The following ABCA4 variants were observed in gnomAD, a reference collection of about 807,000 sequenced individuals.
The protein encoded by ABCA4 is retinal-specific phospholipid-transporting ATPase ABCA4.
A neutral mutation model predicts 263.7 loss-of-function variants in ABCA4; 196 were observed. That is an observed-to-expected ratio of 0.74 (90% CI 0.66 to 0.84). The LOEUF is 0.84. Among genes scored for constraint, ABCA4 ranks in the 40% least tolerant of loss-of-function variants. ABCA4 has a pLI of 0.00. For missense variants in ABCA4, 2,792 were observed against 2,855.1 expected, an observed-to-expected ratio of 0.98 and a Z score of 0.50; for synonymous variants, 1,133 against 1,094.2, an observed-to-expected ratio of 1.04 and a Z score of -0.70.
In ABCA4 at chr1:94,029,480, A is replaced by T. The variant is rs1365368443; in HGVS notation, c.4504T>A (p.Cys1502Ser). The T allele has an allele frequency of 6.3e-7, 1 of 1,579,744 alleles. No individual in the cohort carries two copies. The highest frequency in any genetic ancestry group is 1.3e-5 in the African/African-American group (1 of 74,490). The change falls in exon 30 of 50, where the codon TGC (cysteine) becomes AGC (serine). Residue 1502 changes from cysteine to serine, a missense_variant. By Grantham distance (112) the Cys-to-Ser change is moderately radical (BLOSUM62 -1). Transcript: ENST00000370225. ...GGGAGGCCCCCGGCACCCTCGGGGC[A>T]CTCTGGCAGCATGGTGAGCTTCTCC... ...TREKLTMLPECPEGAGGLPPP... is the reference protein window; with the variant it reads ...TREKLTMLPESPEGAGGLPPP...
chr1:94,095,306 G>C (rs1662094173), intron 6 of ABCA4, among the ~76,000 whole-genome samples: 1 of 151,434 alleles, frequency 6.6e-6, no homozygotes, highest in African/African-American at 2.4e-5. Flanking sequence ...GATTCTCTGG[G>C]CTCCACAGGT....
At chr1:94,099,376 C>T (rs1662227645) in intron 5 of ABCA4, among the ~76,000 whole-genome samples, 1 of 152,224 alleles carries the variant, frequency 6.6e-6, no homozygotes, top group Non-Finnish European at 1.5e-5. Context: ...GTAAGGAATG[C>T]AGTCCTGCTG....
At chr1:94,060,187 A>AT (rs529886923) in intron 14 of ABCA4, among the ~76,000 whole-genome samples, 153 of 152,282 alleles carry the variant, frequency 1.0e-3, no homozygotes, top group African/African-American at 3.5e-3. Flanking sequence ...CCCTGAACTG[A>AT]TTTTTTCTGT....
At chr1:94,059,895 T>C (rs1407034589) in intron 14 of ABCA4, among the ~76,000 whole-genome samples, 1 of 151,950 alleles carries the variant, frequency 6.6e-6, no homozygotes, top group African/African-American at 2.4e-5. Flanking sequence ...CTCAGAGGAG[T>C]TGCAAGTTTG....
chr1:94,113,907 C>T (rs1346347670), intron 1 of ABCA4, among the ~76,000 whole-genome samples: 2 of 152,188 alleles, frequency 1.3e-5, no homozygotes, highest in Non-Finnish European at 2.9e-5. Context: ...CAGTCCACAC[C>T]CTGTGGCATT....
At chr1:94,069,513 C>T (rs1661353398) in intron 11 of ABCA4, among the ~76,000 whole-genome samples, 2 of 152,154 alleles carry the variant, frequency 1.3e-5, no homozygotes, top group South Asian at 4.1e-4. Context: ...TCTGTAACTC[C>T]TAAACTCAGG....
chr1:94,090,615 G>C (rs954063015), intron 6 of ABCA4, among the ~76,000 whole-genome samples: 1 of 152,078 alleles, frequency 6.6e-6, no homozygotes, highest in African/African-American at 2.4e-5. Context: ...GCCCCTCCTA[G>C]CTATTCCTGT....
At chr1:94,103,424 T>C (rs1662340576) in intron 4 of ABCA4, among the ~76,000 whole-genome samples, 2 of 152,216 alleles carry the variant, frequency 1.3e-5, no homozygotes, top group South Asian at 2.1e-4. Flanking sequence ...AGGACAGTGC[T>C]TCTCATTGAG....
At chr1:94,032,755 A>G (rs1660239932) in intron 26 of ABCA4, among the ~76,000 whole-genome samples, 5 of 152,222 alleles carry the variant, frequency 3.3e-5, no homozygotes, top group Admixed American at 1.3e-4. Context: ...AGAAAAACTG[A>G]CATCTTATGT....
intron 6 of ABCA4, among the ~76,000 whole-genome samples, chr1:94,097,746 T>C (rs914563030): frequency 1.3e-5 from 2 of 152,082 alleles, no homozygotes; most frequent in African/African-American, 4.8e-5. Context: ...TTTTTTGGTT[T>C]GTTTGTTTGT....
Position 94,047,041 on chromosome 1 carries a change from C to T in ABCA4, c.2796G>A (p.Lys932=), listed in dbSNP as rs775951957. The change falls in exon 19 of 50, where the codon AAG becomes AAA. Residue 932 remains lysine, a synonymous_variant. Transcript: ENST00000370225. ...HPGWVPGVCV[K]NLVKIFEPCG... ...AGGGCTCAAAAATCTTTACCAGATT[C>T]TTCACGCATACCCCAGGAACCCACC... 1 of 1,614,168 alleles carries T rather than the reference C, an allele frequency of 6.2e-7. No homozygotes were observed. The highest frequency in any genetic ancestry group is 8.5e-7 in the Non-Finnish European group (1 of 1,180,036).
At chr1:94,031,268 T>A (rs1432293339) in intron 27 of ABCA4, 148 bp from the exon 28 acceptor site, 3 of 1,106,754 alleles carry the variant, frequency 2.7e-6, no homozygotes, top group Non-Finnish European at 4.0e-6. Context: ...TGGGGGAACA[T>A]AATAAGCAGG....
chr1:94,083,256 G>A, intron 7 of ABCA4, 96 bp downstream of exon 7: 1 of 1,116,406 alleles, frequency 9.0e-7, no homozygotes, highest in Non-Finnish European at 1.4e-6. Context: ...ACTTTTCCTT[G>A]AACAGGTTTG....
intron 48 of ABCA4, among the ~76,000 whole-genome samples, chr1:93,997,076 T>C (rs915621835): frequency 6.6e-6 from 1 of 152,220 alleles, no homozygotes; most frequent in Admixed American, 6.5e-5. Flanking sequence ...GTGGTAACGG[T>C]TGCACAACAA....
intron 35 of ABCA4, among the ~76,000 whole-genome samples, chr1:94,020,399 G>A (rs1004294137): frequency 6.6e-6 from 1 of 152,194 alleles, no homozygotes; most frequent in East Asian, 1.9e-4. Flanking sequence ...GCAGAAAAGA[G>A]CATTTTTACT....
intron 30 of ABCA4, among the ~76,000 whole-genome samples, chr1:94,025,910 A>G (rs1660029460): frequency 6.6e-6 from 1 of 152,216 alleles, no homozygotes; most frequent in Non-Finnish European, 1.5e-5. Context: ...TGGCATACAG[A>G]TGACACAGTT....
Position 94,019,679 on chromosome 1 carries a change from T to A in ABCA4, c.5099A>T (p.Tyr1700Phe). ...TTTGTTCACCCGCTCCTGGATCAAATAAAGGACAAAGCTGGCTGGGACGAA... is the reference window on the plus strand; with the variant it reads ...TTTGTTCACCCGCTCCTGGATCAAAAAAAGGACAAAGCTGGCTGGGACGAA... ...MSFVPASFVL[Y>F]LIQERVNKSK... The change falls in exon 36 of 50, where the codon TAT becomes TTT. Residue 1700 changes from tyrosine to phenylalanine, a missense_variant. Tyr to Phe is a conservative substitution (Grantham distance 22, BLOSUM62 3). Transcript: ENST00000370225. The A allele has an allele frequency of 6.2e-7, 1 of 1,613,680 alleles. No individual in the cohort carries two copies. The highest frequency in any genetic ancestry group is 8.5e-7 in the Non-Finnish European group (1 of 1,179,868).
Position 94,001,933 on chromosome 1 carries a change from G to A in ABCA4, c.6207C>T (p.Gly2069=). The change falls in exon 45 of 50, where the codon GGC becomes GGT. Residue 2069 remains glycine, a synonymous_variant. Coordinates refer to ENST00000370225, the MANE Select transcript of ABCA4 (RefSeq NM_000350.3). ...GLTVYADCLA[G]TYSGGNKRKL... is the part of the protein sequence containing the mutation. Reference sequence around the variant, plus strand: ...TCCGCTTGTTGCCCCCACTGTACGTGCCAGCCAGGCAGTCGGCGTAGACAG... The same window carrying A: ...TCCGCTTGTTGCCCCCACTGTACGTACCAGCCAGGCAGTCGGCGTAGACAG... 11 of 1,614,192 alleles carry A rather than the reference G, an allele frequency of 6.8e-6. No homozygotes were observed. Among genetic ancestry groups the A allele is most frequent in the Non-Finnish European group, 9.3e-6 (11 of 1,180,032 alleles).
chr1:94,118,763 G>A (rs1396791549), intron 1 of ABCA4, among the ~76,000 whole-genome samples: 2 of 152,232 alleles, frequency 1.3e-5, no homozygotes, highest in East Asian at 3.9e-4. Flanking sequence ...GCACACTGTG[G>A]AGAAGGCAGA....
Sources: gnomAD v4.1 joint callset for allele counts (sites outside exome capture counted in the v4.1 genomes callset) on GRCh38, gnomAD v4.1.1 for gene constraint, MANE v1.5 for transcripts, NCBI Gene and HGNC (gene_info 2026-07-23, HGNC 2026-07-21) for gene names.